The following MPP7 variants were observed in gnomAD, a reference collection of about 807,000 sequenced individuals.
MPP7 encodes the protein MAGUK p55 scaffold protein 7.
A neutral mutation model predicts 76.5 loss-of-function variants in MPP7; 60 were observed. The observed-to-expected ratio is 0.78, with a 90% confidence interval of 0.64 to 0.97. The LOEUF (loss-of-function observed/expected upper bound fraction) is 0.97, where lower values mean the gene tolerates loss of function less well. Ranked by LOEUF, MPP7 falls within the 50% of genes least tolerant of loss-of-function variation. The probability of loss-of-function intolerance (pLI) is 0.00; values close to 1 mark genes in which losing one functional copy is unlikely to be tolerated. For missense variants in MPP7, 641 were observed against 694.0 expected, an observed-to-expected ratio of 0.92 and a Z score of 0.86; for synonymous variants, 237 against 244.5, an observed-to-expected ratio of 0.97 and a Z score of 0.29.
intron 11 of MPP7, among the ~76,000 whole-genome samples, chr10:28,103,277 A>C (rs1853918790): frequency 7.5e-6 from 1 of 133,016 alleles, no homozygotes; most frequent in African/African-American, 3.0e-5. Context: ...CTTTGAACAC[A>C]CTGTCAGGGG....
At chr10:28,240,760 G>A (rs1839241797) in intron 1 of MPP7, among the ~76,000 whole-genome samples, 1 of 151,496 alleles carries the variant, frequency 6.6e-6, no homozygotes, top group African/African-American at 2.4e-5. Flanking sequence ...CTTATATAAA[G>A]CAAGGCTAGA....
chr10:28,230,249 T>C (rs888711411), intron 2 of MPP7, among the ~76,000 whole-genome samples: 9 of 152,054 alleles, frequency 5.9e-5, no homozygotes, highest in Admixed American at 2.6e-4. Context: ...AAGCATAAAA[T>C]GGGATGGTAG....
At chr10:28,235,220 G>A (rs1028942986) in intron 2 of MPP7, among the ~76,000 whole-genome samples, 1 of 151,884 alleles carries the variant, frequency 6.6e-6, no homozygotes, top group Non-Finnish European at 1.5e-5. Flanking sequence ...TGACATTAAC[G>A]GAAAATGAAG....
intron 1 of MPP7, among the ~76,000 whole-genome samples, chr10:28,282,888 A>G (rs1311235950): frequency 6.6e-6 from 1 of 151,970 alleles, no homozygotes; most frequent in Non-Finnish European, 1.5e-5. Context: ...ATGACTGGAA[A>G]GTTCTATAGC....
At chr10:28,326,782 C>A (rs575612421) in intron 2 of MPP7, among the ~76,000 whole-genome samples, 4 of 152,232 alleles carry the variant, frequency 2.6e-5, no homozygotes, top group African/African-American at 4.8e-5. Flanking sequence ...AAGTGCTGGG[C>A]CACATTGCCA....
At chr10:28,267,254 AT>A (rs1297246717) in intron 1 of MPP7, among the ~76,000 whole-genome samples, 1 of 152,224 alleles carries the variant, frequency 6.6e-6, no homozygotes, top group African/African-American at 2.4e-5. Flanking sequence ...TACAAAAAAA[AT>A]ATTTGCTAAC....
chr10:28,168,994 ATAGAC>A (rs1446468057), intron 3 of MPP7, among the ~76,000 whole-genome samples: 1 of 152,180 alleles, frequency 6.6e-6, no homozygotes, highest in African/African-American at 2.4e-5. Context: ...TCCCAGTTCC[ATAGAC>A]TTACAAGTCT....
chr10:28,311,759 TACACACACACAC>T (rs112717112), intron 2 of MPP7, among the ~76,000 whole-genome samples: 1 of 148,620 alleles, frequency 6.7e-6, no homozygotes, highest in Admixed American at 6.7e-5. Flanking sequence ...GATGTGTTAA[TACACACACACAC>T]ACACACACAC....
intron 2 of MPP7, among the ~76,000 whole-genome samples, chr10:28,238,140 T>C (rs1191041034): frequency 6.6e-6 from 1 of 151,944 alleles, no homozygotes; most frequent in East Asian, 1.9e-4. Context: ...AAACAGAGAA[T>C]TGGGGTAAGG....
chr10:28,291,494 G>A (rs562703739), intron 1 of MPP7, among the ~76,000 whole-genome samples: 2 of 152,210 alleles, frequency 1.3e-5, no homozygotes, highest in South Asian at 4.1e-4. Context: ...AATCCCAGCT[G>A]CCTGGGAGTC....
At chr10:28,085,013 A>C (rs1216397570) in intron 12 of MPP7, among the ~76,000 whole-genome samples, 1 of 152,156 alleles carries the variant, frequency 6.6e-6, no homozygotes, top group African/African-American at 2.4e-5. Flanking sequence ...CTTTCACTAG[A>C]CTCACATCTA....
intron 2 of MPP7, among the ~76,000 whole-genome samples, chr10:28,223,212 T>G (rs1838577800): frequency 6.6e-6 from 1 of 152,130 alleles, no homozygotes; most frequent in Non-Finnish European, 1.5e-5. Context: ...TCTCTTAAAT[T>G]TAAGAGTCAC....
chr10:28,069,269 A>T (rs1852113476), intron 13 of MPP7, among the ~76,000 whole-genome samples: 1 of 152,196 alleles, frequency 6.6e-6, no homozygotes, highest in Admixed American at 6.5e-5. Flanking sequence ...AATGGATACC[A>T]CATTCTCCAT....
intron 2 of MPP7, among the ~76,000 whole-genome samples, chr10:28,233,631 T>C (rs1838965646): frequency 6.7e-6 from 1 of 148,828 alleles, no homozygotes; most frequent in African/African-American, 2.5e-5. Context: ...GGCAGTAGAA[T>C]GGTGTGAACC....
At chr10:28,254,863 T>C (rs893694910) in intron 1 of MPP7, 2 of 152,168 alleles carry the variant, frequency 1.3e-5, no homozygotes, top group African/African-American at 2.4e-5. Context: ...GTTGAGTTTA[T>C]GCAGTAAGGA....
At chr10:28,289,801 A>C (rs533759971) in intron 1 of MPP7, among the ~76,000 whole-genome samples, 1 of 152,138 alleles carries the variant, frequency 6.6e-6, no homozygotes, top group Non-Finnish European at 1.5e-5. Context: ...TTCTTCCCAA[A>C]AAGGCCGAAA....
At chr10:28,304,121 T>C (rs371588791), upstream of MPP7, among the ~76,000 whole-genome samples, 4 of 152,226 alleles carry the variant, frequency 2.6e-5, 1 homozygote, top group African/African-American at 9.6e-5. Flanking sequence ...AGACTTTGAA[T>C]GGAAAGCTGA....
chr10:28,241,243 C>T (rs16928644), intron 1 of MPP7, among the ~76,000 whole-genome samples: 9,237 of 152,156 alleles, frequency 0.061, 430 homozygotes, highest in African/African-American at 0.12. Flanking sequence ...GATATTGCTG[C>T]TGTTCATCTA....
chr10:28,083,662 C>T (rs1336944378), intron 12 of MPP7, among the ~76,000 whole-genome samples: 3 of 151,446 alleles, frequency 2.0e-5, no homozygotes, highest in African/African-American at 2.4e-5. Flanking sequence ...CTCAGCCTCC[C>T]GAGTAGCTGG....
Sources: gnomAD v4.1 joint callset for allele counts (sites outside exome capture counted in the v4.1 genomes callset) on GRCh38, gnomAD v4.1.1 for gene constraint, MANE v1.5 for transcripts, NCBI Gene and HGNC (gene_info 2026-07-23, HGNC 2026-07-21) for gene names.